The following KIAA1549 variants were observed in gnomAD, a reference collection of about 807,000 sequenced individuals.
KIAA1549 encodes UPF0606 protein KIAA1549.
Under a neutral mutation model 156.4 loss-of-function variants are expected in KIAA1549, and 70 were observed. The ratio of observed to expected loss-of-function variants is 0.45; its 90% CI spans 0.37 to 0.55. The LOEUF is 0.55. KIAA1549 is among the 20% of genes least tolerant of loss of function. The probability of loss-of-function intolerance (pLI) is 0.00; values close to 1 mark genes in which losing one functional copy is unlikely to be tolerated. For synonymous variants in KIAA1549, 1,103 were observed against 1,066.4 expected, an observed-to-expected ratio of 1.03 and a Z score of -0.67; for missense variants, 2,428 against 2,540.9, an observed-to-expected ratio of 0.96 and a Z score of 0.96.
chr7:138,967,303 A>G (rs1180616051), intron 1 of KIAA1549, among the ~76,000 whole-genome samples: 1 of 152,164 alleles, frequency 6.6e-6, no homozygotes, highest in African/African-American at 2.4e-5. Context: ...GCAGGAGCAG[A>G]GGAATTACGG....
intron 1 of KIAA1549, among the ~76,000 whole-genome samples, chr7:138,972,008 G>A (rs1218467399): frequency 1.3e-5 from 2 of 152,150 alleles, no homozygotes; most frequent in African/African-American, 4.8e-5. Context: ...GAAGTGAGAG[G>A]AGAAGTAGAG....
At chr7:138,975,249 G>C (rs1400676681) in intron 1 of KIAA1549, among the ~76,000 whole-genome samples, 1 of 152,180 alleles carries the variant, frequency 6.6e-6, no homozygotes, top group East Asian at 1.9e-4. Flanking sequence ...GAGACAAAGA[G>C]AAAGAATAAG....
At chr7:138,901,316 C>T (rs968561588) in intron 8 of KIAA1549, among the ~76,000 whole-genome samples, 5 of 148,308 alleles carry the variant, frequency 3.4e-5, no homozygotes, top group Admixed American at 6.7e-5. Flanking sequence ...TGTAGCCTCT[C>T]TTGAGTTTTA....
chr7:138,932,079 C>T (rs1449634100), intron 1 of KIAA1549, among the ~76,000 whole-genome samples: 1 of 152,138 alleles, frequency 6.6e-6, no homozygotes, highest in Non-Finnish European at 1.5e-5. Flanking sequence ...TGTTATGGGT[C>T]TGCAACGAGA....
At chr7:138,958,226 C>T (rs928527429) in intron 1 of KIAA1549, among the ~76,000 whole-genome samples, 14 of 145,012 alleles carry the variant, frequency 9.7e-5, no homozygotes, top group South Asian at 6.5e-4. Flanking sequence ...GCCTGCCTGG[C>T]GCCCACGCCC....
At chr7:138,938,668 C>T (rs1404812569) in intron 1 of KIAA1549, among the ~76,000 whole-genome samples, 1 of 152,166 alleles carries the variant, frequency 6.6e-6, no homozygotes, top group Admixed American at 6.5e-5. Flanking sequence ...AACTGCAGTC[C>T]CTTCCATGTA....
At chr7:138,842,486 C>T (rs901331941) in intron 18 of KIAA1549, among the ~76,000 whole-genome samples, 2 of 152,050 alleles carry the variant, frequency 1.3e-5, no homozygotes, top group Admixed American at 6.6e-5. Context: ...CAGGAGTTCA[C>T]GACCAGCCTA....
Position 138,903,758 on chromosome 7 carries a change from C to T in KIAA1549, c.3521-22G>A, listed in dbSNP as rs754863327. 2.2e-5 allele frequency: 34 copies of T among 1,544,752 alleles called. 1 individual carries two copies. Among genetic ancestry groups the T allele is most frequent in the Non-Finnish European group, 2.8e-5 (32 of 1,143,472 alleles). The stretch of plus-strand genomic sequence containing the variant: ...AGAACTACATTTAAATGAAAACATA[C>T]GTGGCACCCAAAACAAGTCAGCAGT... On this transcript the variant is annotated intron_variant, in intron 7 of 19. Transcript: ENST00000422774.
intron 1 of KIAA1549, among the ~76,000 whole-genome samples, chr7:138,943,756 G>A (rs1813259796): frequency 6.6e-6 from 1 of 152,082 alleles, no homozygotes; most frequent in African/African-American, 2.4e-5. Flanking sequence ...GGCTGAGGCA[G>A]GCGAATGGCG....
intron 12 of KIAA1549, among the ~76,000 whole-genome samples, chr7:138,879,124 G>T (rs1000017243): frequency 6.6e-6 from 1 of 152,204 alleles, no homozygotes; most frequent in Non-Finnish European, 1.5e-5. Flanking sequence ...TCTAGGAACA[G>T]AACTTAACAT....
chr7:138,847,080 T>C (rs1810100419), intron 17 of KIAA1549, among the ~76,000 whole-genome samples: 1 of 152,182 alleles, frequency 6.6e-6, no homozygotes, highest in South Asian at 2.1e-4. Context: ...CTCTGGACCA[T>C]CCACCCACAA....
At chr7:138,973,652 G>C (rs567046789) in intron 1 of KIAA1549, among the ~76,000 whole-genome samples, 1 of 152,142 alleles carries the variant, frequency 6.6e-6, no homozygotes, top group African/African-American at 2.4e-5. Flanking sequence ...CATTTAACAA[G>C]CTTTTTTTTT....
At chr7:138,847,366 T>G (rs550154617) in intron 17 of KIAA1549, among the ~76,000 whole-genome samples, 1 of 152,316 alleles carries the variant, frequency 6.6e-6, no homozygotes, top group Admixed American at 6.5e-5. Context: ...TTGCTGCTTT[T>G]GGATCACAAA....
Position 138,832,795 on chromosome 7 carries a change from A to G in KIAA1549, c.*5111T>C. On this transcript the variant is annotated 3_prime_UTR_variant, in exon 20 of 20. Transcript: ENST00000422774. ...AATGTACCATGATGTTGCGATTTCC[A>G]AGTCATCTTCATAGTGGAGAAAGTA... is the stretch of plus-strand genomic sequence containing the variant. 1 of 223,846 alleles carries G rather than the reference A, an allele frequency of 4.5e-6. No individual in the cohort carries two copies. Among genetic ancestry groups the G allele is most frequent in the Non-Finnish European group, 8.9e-6 (1 of 112,270 alleles). The allele number at this position is 223,846 out of a possible 1,614,324, so 13.9% of individuals were successfully genotyped here.
chr7:138,909,052 A>G lies in KIAA1549; in HGVS notation c.3215T>C (p.Leu1072Pro). ...TCTCACTTCAAAGAGAGCTGTCATT[A>G]GGCCTTTCTCAATGCGCTGGGTGAA... The part of the protein sequence containing the change: ...CNFTQRIEKG[L>P]MTALFEVRKH... Residue 1072 changes from leucine (L) to proline (P), a missense_variant, in exon 5 of 20, where the codon CTA becomes CCA. Around this residue, in one of 5 missense-constraint regions of KIAA1549, gnomAD observed 762 missense variants for 901.6 expected, o/e 0.85. Coordinates refer to ENST00000422774, the MANE Select transcript of KIAA1549 (RefSeq NM_001164665.2). 1 of 1,614,032 alleles carries G rather than the reference A, an allele frequency of 6.2e-7. No individual in the cohort carries two copies. Among genetic ancestry groups the G allele is most frequent in the South Asian group, 1.1e-5 (1 of 91,082 alleles).
At chr7:138,934,035 G>A (rs1812941760) in intron 1 of KIAA1549, among the ~76,000 whole-genome samples, 1 of 152,148 alleles carries the variant, frequency 6.6e-6, no homozygotes, top group Admixed American at 6.6e-5. Flanking sequence ...TTCTCATCAG[G>A]AAGTAGTGTA....
At chr7:138,894,570 T>A (rs770001298) in intron 9 of KIAA1549, 44 bp from the exon 10 acceptor site, 1 of 1,589,418 alleles carries the variant, frequency 6.3e-7, no homozygotes, top group Non-Finnish European at 8.6e-7. Context: ...CCTTCTTCAC[T>A]CATGCACTAG....
intron 1 of KIAA1549, among the ~76,000 whole-genome samples, chr7:138,929,761 C>T (rs538992686): frequency 6.6e-6 from 1 of 152,186 alleles, no homozygotes; most frequent in African/African-American, 2.4e-5. Context: ...ACAATTATAG[C>T]TCACAGCACC....
At chr7:138,935,432 T>G (rs1235592038) in intron 1 of KIAA1549, among the ~76,000 whole-genome samples, 1 of 152,236 alleles carries the variant, frequency 6.6e-6, no homozygotes. Flanking sequence ...TGTCAGCACT[T>G]TGAGTAACCA....
Sources: allele counts gnomAD v4.1 joint callset (sites outside exome capture counted in the v4.1 genomes callset), GRCh38; gene constraint gnomAD v4.1.1; regional missense constraint gnomAD v4.1.1; transcripts MANE v1.5; gene names NCBI Gene and HGNC (gene_info 2026-07-23, HGNC 2026-07-21).